The following GALNTL6 variants were observed in gnomAD, a reference collection of about 807,000 sequenced individuals.
The protein encoded by GALNTL6 is polypeptide N-acetylgalactosaminyltransferase like 6, also known as polypeptide N-acetylgalactosaminyltransferase-like 6.
Under a neutral mutation model 73.7 loss-of-function variants are expected in GALNTL6, and 46 were observed. The ratio of observed to expected loss-of-function variants is 0.62; its 90% CI spans 0.49 to 0.80. The LOEUF (loss-of-function observed/expected upper bound fraction) is 0.80, where lower values mean the gene tolerates loss of function less well. Among genes scored for constraint, GALNTL6 ranks in the 30% least tolerant of loss-of-function variants. The probability of loss-of-function intolerance (pLI) is 0.00; values close to 1 mark genes in which losing one functional copy is unlikely to be tolerated. For missense variants in GALNTL6, 604 were observed against 755.0 expected, an observed-to-expected ratio of 0.80 and a Z score of 2.34; for synonymous variants, 259 against 263.7, an observed-to-expected ratio of 0.98 and a Z score of 0.17.
intron 5 of GALNTL6, among the ~76,000 whole-genome samples, chr4:172,546,565 G>C (rs1441339880): frequency 6.6e-6 from 1 of 150,868 alleles, no homozygotes; most frequent in Non-Finnish European, 1.5e-5. Flanking sequence ...GTTTCTTCTT[G>C]CCTTCCAACC....
intron 5 of GALNTL6, among the ~76,000 whole-genome samples, chr4:172,733,462 C>T (rs1387840811): frequency 2.6e-5 from 4 of 151,748 alleles, no homozygotes; most frequent in African/African-American, 9.7e-5. Context: ...TCCCATAATC[C>T]CTATGGGGGT....
chr4:172,887,343 T>C (rs1745774707), intron 8 of GALNTL6, among the ~76,000 whole-genome samples: 1 of 152,118 alleles, frequency 6.6e-6, no homozygotes, highest in Non-Finnish European at 1.5e-5. Flanking sequence ...CCTTTGGACA[T>C]GTACCTAGTA....
At chr4:172,805,384 C>A (rs1740896966) in intron 5 of GALNTL6, among the ~76,000 whole-genome samples, 1 of 152,150 alleles carries the variant, frequency 6.6e-6, no homozygotes, top group African/African-American at 2.4e-5. Context: ...TTCACAGTAA[C>A]ATGATGTCAA....
chr4:173,036,423 A>T (rs896936266), intron 12 of GALNTL6, among the ~76,000 whole-genome samples: 1 of 152,172 alleles, frequency 6.6e-6, no homozygotes, highest in Admixed American at 6.5e-5. Context: ...AATCAAGTCC[A>T]CGGGCCTGCT....
intron 5 of GALNTL6, among the ~76,000 whole-genome samples, chr4:172,519,650 G>T (rs1734714900): frequency 6.6e-6 from 1 of 151,568 alleles, no homozygotes; most frequent in African/African-American, 2.4e-5. Context: ...AAATAGGATA[G>T]CAGTATTTAA....
At chr4:172,844,174 A>G (rs1466154401) in intron 7 of GALNTL6, among the ~76,000 whole-genome samples, 1 of 152,230 alleles carries the variant, frequency 6.6e-6, no homozygotes, top group Non-Finnish European at 1.5e-5. Context: ...CATACCGCGT[A>G]CATTGAGCCA....
At chr4:171,830,221 G>T (rs912137407) in intron 2 of GALNTL6, among the ~76,000 whole-genome samples, 4 of 152,116 alleles carry the variant, frequency 2.6e-5, no homozygotes, top group Non-Finnish European at 5.9e-5. Flanking sequence ...TCCAGAGGTA[G>T]TGCATCCCTG....
chr4:171,989,420 A>G (rs1419595547), intron 2 of GALNTL6, among the ~76,000 whole-genome samples: 2 of 152,188 alleles, frequency 1.3e-5, no homozygotes, highest in Admixed American at 1.3e-4. Context: ...TCCTACACAG[A>G]TGGGATACGG....
intron 3 of GALNTL6, among the ~76,000 whole-genome samples, chr4:172,288,230 A>G (rs1249875884): frequency 1.3e-5 from 2 of 151,818 alleles, no homozygotes; most frequent in African/African-American, 4.8e-5. Flanking sequence ...AGCTGGGACT[A>G]CAGGCGCCAA....
chr4:172,704,646 C>G (rs1007348400), intron 5 of GALNTL6, among the ~76,000 whole-genome samples: 1 of 151,952 alleles, frequency 6.6e-6, no homozygotes, highest in Non-Finnish European at 1.5e-5. Context: ...CATGTGCCAA[C>G]AAGAAGAATG....
rs532707978 is a variant in GALNTL6 at position 172,703,125 on chromosome 4, T to C, written c.554-106236T>C. Among the ~76,000 whole-genome samples the C allele has an allele frequency of 1.6e-4, 25 of 152,150 alleles. No homozygotes were observed. The South Asian group carries it at 5.2e-3, about 32-fold the overall frequency. ...ATAAAATGGTAAAAGTAGGTATCTTTGTCTTATCTTATATTTTTAAAAAAT... is the reference window on the plus strand; with the variant it reads ...ATAAAATGGTAAAAGTAGGTATCTTCGTCTTATCTTATATTTTTAAAAAAT... On this transcript the variant is annotated intron_variant, in intron 5 of 12. Transcript: ENST00000506823.
intron 5 of GALNTL6, among the ~76,000 whole-genome samples, chr4:172,621,296 AATCCC>A (rs1477643964): frequency 1.3e-5 from 2 of 152,126 alleles, no homozygotes; most frequent in Admixed American, 1.3e-4. Context: ...CTCAAGCAAT[AATCCC>A]ATCTCAGCCT....
At chr4:172,397,660 C>T (rs1561064430) in intron 5 of GALNTL6, among the ~76,000 whole-genome samples, 1 of 151,976 alleles carries the variant, frequency 6.6e-6, no homozygotes, top group Non-Finnish European at 1.5e-5. Flanking sequence ...TCACCGCAAC[C>T]TTTGCCTCCC....
intron 2 of GALNTL6, among the ~76,000 whole-genome samples, chr4:172,085,003 C>T (rs905729742): frequency 2.6e-5 from 4 of 151,994 alleles, no homozygotes; most frequent in Admixed American, 6.6e-5. Flanking sequence ...AGATGTGAAG[C>T]ACAAGAGGGT....
At chr4:173,032,174 G>C (rs533312839) in intron 12 of GALNTL6, among the ~76,000 whole-genome samples, 4 of 152,368 alleles carry the variant, frequency 2.6e-5, no homozygotes, top group African/African-American at 9.6e-5. Context: ...CAAGGGCTGG[G>C]CGCTGTGGCT....
chr4:171,893,683 T>C (rs1188336104), intron 2 of GALNTL6, among the ~76,000 whole-genome samples: 1 of 152,108 alleles, frequency 6.6e-6, no homozygotes, highest in Non-Finnish European at 1.5e-5. Context: ...GAAATATATA[T>C]TTAAAAATAT....
chr4:172,492,643 A>T (rs1397406744), intron 5 of GALNTL6, among the ~76,000 whole-genome samples: 4 of 152,112 alleles, frequency 2.6e-5, no homozygotes, highest in Admixed American at 2.6e-4. Flanking sequence ...CTTTATTTCT[A>T]ATTGGCATCT....
chr4:172,098,184 A>G (rs1296569783), intron 2 of GALNTL6, among the ~76,000 whole-genome samples: 1 of 152,130 alleles, frequency 6.6e-6, no homozygotes, highest in African/African-American at 2.4e-5. Context: ...CTCTATATAT[A>G]AGACATCTAT....
rs572776206 is a variant in GALNTL6, at chr4:172,266,419, G to A, written c.247+36655G>A. 8.5e-5 allele frequency: 13 copies of A among 152,214 alleles called. No individual in the cohort carries two copies. The East Asian group carries it at 1.2e-3, about 14-fold the overall frequency. The allele number at this position is 152,214 out of a possible 1,614,324, so 9.4% of individuals were successfully genotyped here. Reference sequence around the variant, plus strand: ...TCAGGTTTACCTCTTAGAAGCAGCTGAAGGTGCAGTTTATACAGTAAGTTG... The same window carrying A: ...TCAGGTTTACCTCTTAGAAGCAGCTAAAGGTGCAGTTTATACAGTAAGTTG... On this transcript the variant is annotated intron_variant, in intron 3 of 12. Coordinates refer to ENST00000506823, the MANE Select transcript of GALNTL6 (RefSeq NM_001034845.3).
Sources: gnomAD v4.1 joint callset for allele counts (sites outside exome capture counted in the v4.1 genomes callset) on GRCh38, gnomAD v4.1.1 for gene constraint, MANE v1.5 for transcripts, NCBI Gene and HGNC (gene_info 2026-07-23, HGNC 2026-07-21) for gene names.